The following SKIC3 variants were observed in gnomAD, a reference collection of about 807,000 sequenced individuals.
SKIC3 encodes the protein superkiller complex protein 3.
the SKIC3 span, chr5:95,503,678 G>C: frequency 1.6e-6 from 2 of 1,214,882 alleles, no homozygotes; most frequent in Non-Finnish European, 2.4e-6. Flanking sequence ...GCCTAGTATT[G>C]CTGCTGACTC....
At chr5:95,514,824 C>T in the SKIC3 span, 1 of 1,603,518 alleles carries the variant, frequency 6.2e-7, no homozygotes, top group South Asian at 1.1e-5. Context: ...TATCAACAAG[C>T]TTATTAGTAA....
At chr5:95,484,932 T>C in the SKIC3 span, 3 of 1,429,978 alleles carry the variant, frequency 2.1e-6, no homozygotes, top group Admixed American at 3.4e-5. Context: ...AAATTACCGT[T>C]GGGCTTATCA....
At chr5:95,470,993 CAAT>C in the SKIC3 span, among the ~76,000 whole-genome samples, 1 of 151,926 alleles carries the variant, frequency 6.6e-6, no homozygotes, top group Non-Finnish European at 1.5e-5. Context: ...TATAGTGAGT[CAAT>C]ATATATAGTC....
chr5:95,482,406 C>A, the SKIC3 span: 3 of 1,499,130 alleles, frequency 2.0e-6, no homozygotes, highest in Non-Finnish European at 2.8e-6. Flanking sequence ...TGGAGCATAG[C>A]CCTGACATTA....
At chr5:95,547,291 T>A in the SKIC3 span, 2 of 713,252 alleles carry the variant, frequency 2.8e-6, no homozygotes, top group Non-Finnish European at 4.9e-6. Flanking sequence ...CTCTAGAATA[T>A]ACACAGTTTA....
chr5:95,476,827 C>A, the SKIC3 span, among the ~76,000 whole-genome samples: 1 of 152,090 alleles, frequency 6.6e-6, no homozygotes, highest in Non-Finnish European at 1.5e-5. Flanking sequence ...TACTGAACTG[C>A]AAGCTAATTT....
chr5:95,517,924 G>C, the SKIC3 span, among the ~76,000 whole-genome samples: 6 of 151,986 alleles, frequency 3.9e-5, no homozygotes, highest in South Asian at 2.1e-4. Flanking sequence ...ACAGGAGTCA[G>C]CTCCTGATAA....
chr5:95,493,910 C>T, the SKIC3 span, among the ~76,000 whole-genome samples: 10 of 151,960 alleles, frequency 6.6e-5, no homozygotes, highest in Non-Finnish European at 1.5e-4. Context: ...TGATGGAACA[C>T]GCTTAAGTAA....
At chr5:95,534,876 C>G in the SKIC3 span, among the ~76,000 whole-genome samples, 1 of 152,204 alleles carries the variant, frequency 6.6e-6, no homozygotes, top group Non-Finnish European at 1.5e-5. Context: ...CTCTCATCTG[C>G]AAACCACTGA....
At chr5:95,542,096 G>A in the SKIC3 span, among the ~76,000 whole-genome samples, 1 of 152,140 alleles carries the variant, frequency 6.6e-6, no homozygotes. Flanking sequence ...GAGGGCACAG[G>A]TAAAGTGGAT....
At chr5:95,491,297 C>T in the SKIC3 span, among the ~76,000 whole-genome samples, 4 of 152,136 alleles carry the variant, frequency 2.6e-5, no homozygotes, top group Non-Finnish European at 5.9e-5. Flanking sequence ...CTGGTTAGCT[C>T]AGCTGCCTAG....
chr5:95,506,658 G>A, the SKIC3 span, among the ~76,000 whole-genome samples: 2 of 152,034 alleles, frequency 1.3e-5, no homozygotes, highest in South Asian at 2.1e-4. Flanking sequence ...TCCAATTAAC[G>A]AGGCTTCTAC....
At chr5:95,467,255 T>G in the SKIC3 span, among the ~76,000 whole-genome samples, 1 of 152,172 alleles carries the variant, frequency 6.6e-6, no homozygotes, top group South Asian at 2.1e-4. Flanking sequence ...TAGGAACGCA[T>G]TAATAGAGAG....
the SKIC3 span, chr5:95,529,206 T>A: frequency 3.3e-6 from 3 of 898,256 alleles, no homozygotes; most frequent in Non-Finnish European, 5.4e-6. Context: ...TCTTCATCTC[T>A]CATATCTCAT....
the SKIC3 span, chr5:95,529,075 C>T: frequency 6.2e-7 from 1 of 1,613,758 alleles, no homozygotes; most frequent in South Asian, 1.1e-5. Flanking sequence ...ATACCATCCA[C>T]TTGTGCAGAC....
chr5:95,494,410 A>T, the SKIC3 span, among the ~76,000 whole-genome samples: 1 of 152,226 alleles, frequency 6.6e-6, no homozygotes, highest in African/African-American at 2.4e-5. Context: ...GTACTGAATT[A>T]TCACATGCAC....
chr5:95,547,472 T>C, the SKIC3 span, among the ~76,000 whole-genome samples: 34 of 152,154 alleles, frequency 2.2e-4, no homozygotes, highest in Admixed American at 6.5e-5. Flanking sequence ...ACATTTAATA[T>C]ACTATATATT....
At chr5:95,516,586 C>T in the SKIC3 span, 3 of 1,613,096 alleles carry the variant, frequency 1.9e-6, no homozygotes, top group Admixed American at 1.7e-5. Context: ...ATTTCCAATA[C>T]CTGAAAAATA....
the SKIC3 span, among the ~76,000 whole-genome samples, chr5:95,496,245 T>C: frequency 2.0e-5 from 3 of 152,176 alleles, no homozygotes; most frequent in Admixed American, 6.5e-5. Context: ...CATGAACTCC[T>C]GACCTCAGGT....
Sources: gnomAD v4.1 joint callset for allele counts (sites outside exome capture counted in the v4.1 genomes callset) on GRCh38, gnomAD v4.1.1 for gene constraint, MANE v1.5 for transcripts, NCBI Gene and HGNC (gene_info 2026-07-23, HGNC 2026-07-21) for gene names.